Variants in MALRD1 observed in about 807,000 individuals in gnomAD.
The protein encoded by MALRD1 is MAM and LDL receptor class A domain containing 1.
In MALRD1, 247 loss-of-function variants were observed where a neutral mutation model predicts 242.1. The observed-to-expected ratio is 1.02, with a 90% confidence interval of 0.92 to 1.13. MALRD1 has a LOEUF of 1.13. Among genes scored for constraint, MALRD1 ranks in the 50% most tolerant of loss-of-function variants. The pLI, the probability that MALRD1 is intolerant of heterozygous loss-of-function variation, is 0.00. For missense variants in MALRD1, 2,989 were observed against 2,533.1 expected (o/e 1.18, Z -3.86); for synonymous variants, 995 against 866.6 (o/e 1.15, Z -2.60).
intron 33 of MALRD1, among the ~76,000 whole-genome samples, 165 bp from the exon 34 acceptor site, chr10:19,595,029 C>A (rs1328412150): frequency 1.3e-5 from 2 of 152,152 alleles, no homozygotes; most frequent in East Asian, 3.9e-4. Context: ...AAGGTATATT[C>A]TTGAATCAGG....
chr10:19,492,970 T>A (rs1353507722), intron 30 of MALRD1, among the ~76,000 whole-genome samples: 2 of 152,202 alleles, frequency 1.3e-5, no homozygotes, highest in Non-Finnish European at 2.9e-5. Flanking sequence ...ATTTTTAATA[T>A]ATTTTTAAAC....
intron 32 of MALRD1, among the ~76,000 whole-genome samples, chr10:19,539,893 TGTGTGC>T (rs1246805746): frequency 3.9e-4 from 25 of 64,792 alleles, no homozygotes; most frequent in Admixed American, 2.4e-3. Flanking sequence ...TGTGTGTGTG[TGTGTGC>T]GCGCGCGCGT....
At chr10:19,649,318 T>C (rs1411129402) in intron 36 of MALRD1, among the ~76,000 whole-genome samples, 1 of 152,210 alleles carries the variant, frequency 6.6e-6, no homozygotes, top group Non-Finnish European at 1.5e-5. Context: ...ACCACAGTGC[T>C]TTCCAGAATA....
intron 4 of MALRD1, among the ~76,000 whole-genome samples, chr10:19,093,843 C>T (rs910940664): frequency 3.5e-5 from 3 of 85,786 alleles, no homozygotes; most frequent in African/African-American, 9.8e-5. Flanking sequence ...TGTTGGAATA[C>T]CCTGCCGTGT....
intron 26 of MALRD1, among the ~76,000 whole-genome samples, chr10:19,358,624 A>T (rs750155281): frequency 7.9e-5 from 12 of 152,116 alleles, no homozygotes; most frequent in Non-Finnish European, 1.8e-4. Context: ...TCTAATTCCT[A>T]TCTTTACGTT....
intron 20 of MALRD1, among the ~76,000 whole-genome samples, chr10:19,281,301 C>T (rs182524422): frequency 1.1e-4 from 16 of 152,148 alleles, no homozygotes; most frequent in African/African-American, 3.6e-4. Flanking sequence ...GGAAGGCATT[C>T]GAATCCCCTT....
intron 33 of MALRD1, among the ~76,000 whole-genome samples, chr10:19,590,761 T>C (rs1381659734): frequency 6.6e-6 from 1 of 152,028 alleles, no homozygotes; most frequent in Non-Finnish European, 1.5e-5. Context: ...CAGTTTTAGG[T>C]TCACAGCAGA....
At chr10:19,161,274 A>G (rs1462559063) in intron 12 of MALRD1, among the ~76,000 whole-genome samples, 62 of 109,940 alleles carry the variant, frequency 5.6e-4, no homozygotes, top group Non-Finnish European at 1.1e-3. Context: ...AACACCACAT[A>G]TTCTCACTCA....
At chr10:19,343,991 C>T (rs949180510) in intron 24 of MALRD1, among the ~76,000 whole-genome samples, 2 of 152,048 alleles carry the variant, frequency 1.3e-5, no homozygotes, top group Non-Finnish European at 2.9e-5. Context: ...CTCTTTTGCC[C>T]ATTCTCTAAT....
chr10:19,440,383 T>C (rs893051567), intron 28 of MALRD1, among the ~76,000 whole-genome samples: 3 of 152,142 alleles, frequency 2.0e-5, no homozygotes, highest in Non-Finnish European at 2.9e-5. Flanking sequence ...CTAGGGTACA[T>C]GTGCACAACA....
At chr10:19,559,938 A>G (rs1246225697) in intron 32 of MALRD1, among the ~76,000 whole-genome samples, 1 of 152,216 alleles carries the variant, frequency 6.6e-6, no homozygotes, top group Admixed American at 6.5e-5. Flanking sequence ...AACCACAATT[A>G]TATATACTAT....
chr10:19,404,166 T>C (rs1412434210), intron 28 of MALRD1, among the ~76,000 whole-genome samples: 2 of 152,110 alleles, frequency 1.3e-5, no homozygotes, highest in Admixed American at 1.3e-4. Context: ...TTTTACAATT[T>C]ACTATGTTTC....
chr10:19,335,664 C>G (rs2130936428), intron 24 of MALRD1, among the ~76,000 whole-genome samples: 1 of 152,134 alleles, frequency 6.6e-6, no homozygotes, highest in East Asian at 1.9e-4. Context: ...TTTGAGAATT[C>G]TAAGTAAAGC....
intron 28 of MALRD1, among the ~76,000 whole-genome samples, chr10:19,437,392 A>G (rs1402991954): frequency 1.3e-5 from 2 of 152,056 alleles, no homozygotes; most frequent in African/African-American, 4.8e-5. Context: ...ATAACTTCCA[A>G]TTTCTGGAAG....
intron 33 of MALRD1, among the ~76,000 whole-genome samples, chr10:19,589,308 T>C (rs577326660): frequency 6.6e-6 from 1 of 152,292 alleles, no homozygotes; most frequent in Admixed American, 6.5e-5. Flanking sequence ...TATATAGCTG[T>C]ATATATAGCT....
intron 21 of MALRD1, among the ~76,000 whole-genome samples, chr10:19,314,688 C>A (rs1842565165): frequency 1.3e-5 from 2 of 151,658 alleles, no homozygotes; most frequent in African/African-American, 4.8e-5. Flanking sequence ...TTTATTGGAA[C>A]ATAGCCATAC....
At chr10:19,362,739 T>C (rs1007460211) in intron 26 of MALRD1, among the ~76,000 whole-genome samples, 6 of 152,118 alleles carry the variant, frequency 3.9e-5, no homozygotes, top group Non-Finnish European at 7.4e-5. Context: ...ATCTGACTTA[T>C]ATTTAGAAAG....
At chr10:19,265,568 A>G (rs1839938293) in intron 19 of MALRD1, among the ~76,000 whole-genome samples, 2 of 152,052 alleles carry the variant, frequency 1.3e-5, no homozygotes, top group South Asian at 2.1e-4. Flanking sequence ...GTTTCATACC[A>G]TTGTGGTTAG....
At chr10:19,404,163 A>G (rs1458560424) in intron 28 of MALRD1, among the ~76,000 whole-genome samples, 1 of 152,046 alleles carries the variant, frequency 6.6e-6, no homozygotes, top group Non-Finnish European at 1.5e-5. Context: ...AACTTTTACA[A>G]TTTACTATGT....
Sources: gnomAD v4.1 joint callset for allele counts (sites outside exome capture counted in the v4.1 genomes callset) on GRCh38, gnomAD v4.1.1 for gene constraint, MANE v1.5 for transcripts, NCBI Gene and HGNC (gene_info 2026-07-23, HGNC 2026-07-21) for gene names.